Variants in ZNF83 observed in about 807,000 individuals in gnomAD.
ZNF83 encodes zinc finger protein 816B.
For synonymous variants in ZNF83, 209 were observed against 213.0 expected, an observed-to-expected ratio of 0.98 and a Z score of 0.17; for missense variants, 552 against 629.9, an observed-to-expected ratio of 0.88 and a Z score of 1.32.
intron 3 of ZNF83, chr19:52,653,326 C>T: frequency 7.8e-7 from 1 of 1,284,324 alleles, no homozygotes; most frequent in Non-Finnish European, 1.1e-6. Flanking sequence ...AGGTTTCTCT[C>T]CAGTATGAAC....
chr19:52,642,180 T>C (rs1350932403), upstream of ZNF83, among the ~76,000 whole-genome samples: 1 of 151,784 alleles, frequency 6.6e-6, no homozygotes, highest in Non-Finnish European at 1.5e-5. Flanking sequence ...GCTATCAGTT[T>C]ACATTGCCAG....
At chr19:52,640,239 T>C (rs2147220569), upstream of ZNF83, among the ~76,000 whole-genome samples, 1 of 152,344 alleles carries the variant, frequency 6.6e-6, no homozygotes, top group Admixed American at 6.5e-5. Flanking sequence ...ACTGAGTTTA[T>C]GTGAACACAA....
intron 1 of ZNF83, among the ~76,000 whole-genome samples, chr19:52,680,665 T>G (rs907331739): frequency 1.7e-4 from 22 of 130,096 alleles, no homozygotes; most frequent in African/African-American, 5.5e-4. Context: ...CAGGCTGGAG[T>G]GCAGTGGCGC....
At chr19:52,662,910 C>G (rs2061598426) in intron 1 of ZNF83, among the ~76,000 whole-genome samples, 1 of 152,090 alleles carries the variant, frequency 6.6e-6, no homozygotes, top group Non-Finnish European at 1.5e-5. Context: ...TGCCTGTAAT[C>G]CCAGCACTTT....
At chr19:52,633,371 A>C (rs1023464300) in intron 2 of ZNF83, among the ~76,000 whole-genome samples, 3 of 152,220 alleles carry the variant, frequency 2.0e-5, no homozygotes, top group Non-Finnish European at 4.4e-5. Context: ...CCTGTTTGGT[A>C]GTCTCTTCAC....
At chr19:52,677,682 G>T (rs1339923146) in intron 1 of ZNF83, among the ~76,000 whole-genome samples, 1 of 128,786 alleles carries the variant, frequency 7.8e-6, no homozygotes, top group Non-Finnish European at 1.6e-5. Flanking sequence ...TACAGCAATG[G>T]GGGAGACCAC....
intron 2 of ZNF83, among the ~76,000 whole-genome samples, chr19:52,616,030 G>T (rs1408315246): frequency 6.6e-6 from 1 of 152,150 alleles, no homozygotes; most frequent in Non-Finnish European, 1.5e-5. Context: ...TAGAGACGGG[G>T]CTTCACCAAG....
At chr19:52,677,099 T>C (rs551783832) in intron 1 of ZNF83, among the ~76,000 whole-genome samples, 9 of 131,228 alleles carry the variant, frequency 6.9e-5, no homozygotes, top group African/African-American at 1.8e-4. Context: ...TCCCCCTCTG[T>C]GAGAAACACC....
intron 2 of ZNF83, among the ~76,000 whole-genome samples, chr19:52,657,561 G>A (rs1398329695): frequency 6.6e-6 from 1 of 151,984 alleles, no homozygotes; most frequent in Non-Finnish European, 1.5e-5. Flanking sequence ...AAAAGGCCAG[G>A]CATGGGCCAG....
exon 3 of ZNF83, chr19:52,612,992 G>GCTAA (rs2060152869): frequency 1.3e-6 from 2 of 1,544,134 alleles, no homozygotes; most frequent in East Asian, 2.3e-5. Context: ...AGGCTTTAAT[G>GCTAA]CTAACTGAAC....
At chr19:52,675,672 A>T (rs1027516223) in intron 1 of ZNF83, among the ~76,000 whole-genome samples, 1 of 152,168 alleles carries the variant, frequency 6.6e-6, no homozygotes, top group Non-Finnish European at 1.5e-5. Context: ...TTGCATCCAG[A>T]TCAATGTACC....
chr19:52,667,354 G>A (rs1388496865), intron 1 of ZNF83, among the ~76,000 whole-genome samples: 1 of 152,018 alleles, frequency 6.6e-6, no homozygotes. Flanking sequence ...AGAAAGTTGA[G>A]GCATGTTGAA....
Position 52,676,319 on chromosome 19 carries a change from C to G in ZNF83, c.-283+14124G>C, listed in dbSNP as rs2061804172. On this transcript the variant is annotated intron_variant, in intron 1 of 5. Transcript: ENST00000594682. The stretch of plus-strand genomic sequence containing the variant: ...CCAGGCTGGAGTGCAGTGGCCTGAT[C>G]TCGGCTCACTACAACCTCCACCTCC... Among the ~76,000 whole-genome samples the G allele has an allele frequency of 1.3e-5, 2 of 152,178 alleles. 1 individual carries two copies. The highest frequency in any genetic ancestry group is 1.3e-4 in the Admixed American group (2 of 15,286).
chr19:52,680,347 C>A (rs1020428557), intron 1 of ZNF83, among the ~76,000 whole-genome samples: 7 of 152,134 alleles, frequency 4.6e-5, no homozygotes, highest in Non-Finnish European at 7.3e-5. Flanking sequence ...CTGTATAAAG[C>A]CCTCTGCGCA....
At chr19:52,614,023 T>C in exon 3 of ZNF83, 1 of 1,613,392 alleles carries the variant, frequency 6.2e-7, no homozygotes, top group Non-Finnish European at 8.5e-7. Flanking sequence ...CTTGCCACAT[T>C]CATTACATTT....
At chr19:52,661,181 A>C (rs1184738607) in intron 1 of ZNF83, among the ~76,000 whole-genome samples, 2 of 151,982 alleles carry the variant, frequency 1.3e-5, no homozygotes. Context: ...ATGTTTAGAA[A>C]CCACACATTC....
intron 2 of ZNF83, among the ~76,000 whole-genome samples, chr19:52,619,475 A>C (rs553579846): frequency 6.6e-6 from 1 of 152,146 alleles, no homozygotes; most frequent in Non-Finnish European, 1.5e-5. Flanking sequence ...AAAATACAAA[A>C]ATTAGCTGGA....
At chr19:52,676,000 C>G (rs1464049781) in intron 1 of ZNF83, among the ~76,000 whole-genome samples, 1 of 152,100 alleles carries the variant, frequency 6.6e-6, no homozygotes, top group African/African-American at 2.4e-5. Context: ...GACAGCCTGA[C>G]CAACATGGTG....
chr19:52,682,878 CTT>C (rs1444744209), intron 1 of ZNF83, among the ~76,000 whole-genome samples: 1 of 151,138 alleles, frequency 6.6e-6, no homozygotes, highest in East Asian at 1.9e-4. Flanking sequence ...CTCTGTCTCT[CTT>C]TTTTTTTCTA....
Sources: allele counts gnomAD v4.1 joint callset (sites outside exome capture counted in the v4.1 genomes callset), GRCh38; gene constraint gnomAD v4.1.1; transcripts MANE v1.5; gene names NCBI Gene and HGNC (gene_info 2026-07-23, HGNC 2026-07-21).